The following ITGA8 variants were observed in gnomAD, a reference collection of about 807,000 sequenced individuals.
The protein encoded by ITGA8 is integrin alpha-8.
A neutral mutation model predicts 142.3 loss-of-function variants in ITGA8; 91 were observed. That is an observed-to-expected ratio of 0.64 (90% CI 0.54 to 0.76). The LOEUF (loss-of-function observed/expected upper bound fraction) is 0.76, where lower values mean the gene tolerates loss of function less well. Among genes scored for constraint, ITGA8 ranks in the 30% least tolerant of loss-of-function variants. The pLI, the probability that ITGA8 is intolerant of heterozygous loss-of-function variation, is 0.00. For synonymous variants in ITGA8, 505 were observed against 485.2 expected (o/e 1.04, Z -0.54); for missense variants, 1,406 against 1,327.7 (o/e 1.06, Z -0.92).
intron 28 of ITGA8, among the ~76,000 whole-genome samples, chr10:15,523,884 A>T (rs986433458): frequency 5.3e-5 from 8 of 152,148 alleles, no homozygotes; most frequent in African/African-American, 1.9e-4. Flanking sequence ...GTGAGCCAAG[A>T]TCGCACCACT....
At position 15,671,124 on chromosome 10, in the gene ITGA8, G is replaced by A. The variant is rs544516895; in HGVS notation, c.847+479C>T. 7.9e-5 allele frequency among the ~76,000 whole-genome samples: 12 copies of A among 152,352 alleles called. No individual in the cohort carries two copies. The South Asian group carries it at 2.5e-3, about 32-fold the overall frequency. ...ACAGCAAAGCAGAGAAGACAGGACAGAAGGGATATACAGGAGATAGGGATT... is the reference window on the plus strand; with the variant it reads ...ACAGCAAAGCAGAGAAGACAGGACAAAAGGGATATACAGGAGATAGGGATT... On this transcript the variant is annotated intron_variant, in intron 8 of 29. Coordinates refer to ENST00000378076, the MANE Select transcript of ITGA8 (RefSeq NM_003638.3).
At chr10:15,537,792 G>A (rs537390304) in intron 27 of ITGA8, among the ~76,000 whole-genome samples, 8 of 152,174 alleles carry the variant, frequency 5.3e-5, no homozygotes, top group African/African-American at 1.9e-4. Flanking sequence ...TTGGGAATTC[G>A]TTAAGGCACC....
chr10:15,689,248 C>T (rs1300161421), intron 2 of ITGA8, among the ~76,000 whole-genome samples: 2 of 152,228 alleles, frequency 1.3e-5, no homozygotes, highest in Admixed American at 1.3e-4. Context: ...GGGCCTAACA[C>T]TTGCTCCCTT....
intron 13 of ITGA8, among the ~76,000 whole-genome samples, chr10:15,624,116 A>G (rs867947128): frequency 4.6e-5 from 7 of 152,156 alleles, no homozygotes; most frequent in Admixed American, 2.6e-4. Context: ...AGTTTTTGCA[A>G]AGTCACTGTC....
intron 2 of ITGA8, among the ~76,000 whole-genome samples, chr10:15,700,569 G>T (rs1835143577): frequency 1.3e-5 from 2 of 152,110 alleles, no homozygotes; most frequent in African/African-American, 4.8e-5. Context: ...AGATAGCTGG[G>T]ACTTAATTAA....
intron 23 of ITGA8, among the ~76,000 whole-genome samples, chr10:15,577,155 A>G (rs918730282): frequency 1.6e-4 from 24 of 152,070 alleles, no homozygotes; most frequent in Non-Finnish European, 1.6e-4. Flanking sequence ...ACTTTTATTT[A>G]TTTATTTATT....
intron 24 of ITGA8, among the ~76,000 whole-genome samples, chr10:15,573,931 T>G (rs1241459479): frequency 1.3e-5 from 2 of 152,166 alleles, no homozygotes; most frequent in African/African-American, 2.4e-5. Context: ...CCTGAATAAC[T>G]ACTAAACTAA....
At chr10:15,643,292 T>C (rs1279119224) in intron 13 of ITGA8, among the ~76,000 whole-genome samples, 1 of 152,108 alleles carries the variant, frequency 6.6e-6, no homozygotes, top group Non-Finnish European at 1.5e-5. Context: ...GAGATACATA[T>C]ATTTTTTGAG....
At chr10:15,641,324 G>A (rs902973099) in intron 13 of ITGA8, among the ~76,000 whole-genome samples, 13 of 152,178 alleles carry the variant, frequency 8.5e-5, no homozygotes, top group African/African-American at 3.1e-4. Flanking sequence ...TGGAGGCTTT[G>A]AAAGCTAAAT....
At chr10:15,565,330 C>T (rs1362161874) in intron 25 of ITGA8, among the ~76,000 whole-genome samples, 1 of 152,032 alleles carries the variant, frequency 6.6e-6, no homozygotes, top group African/African-American at 2.4e-5. Flanking sequence ...CTGATCAGAC[C>T]TTCTAAAATA....
At chr10:15,679,669 C>T (rs1341045671) in intron 4 of ITGA8, among the ~76,000 whole-genome samples, 2 of 152,190 alleles carry the variant, frequency 1.3e-5, no homozygotes, top group Non-Finnish European at 2.9e-5. Flanking sequence ...TCTCACTGGA[C>T]ATTGCAATGC....
At chr10:15,672,534 A>G in intron 7 of ITGA8, 90 bp downstream of exon 7, 2 of 1,428,470 alleles carry the variant, frequency 1.4e-6, no homozygotes, top group South Asian at 2.8e-5. Context: ...ATGCCAAATA[A>G]CATCGGATAA....
intron 13 of ITGA8, among the ~76,000 whole-genome samples, chr10:15,619,662 C>T (rs1413858051): frequency 1.3e-5 from 2 of 152,120 alleles, no homozygotes; most frequent in Non-Finnish European, 2.9e-5. Context: ...ACTATGTTTA[C>T]ATGTATTCTT....
chr10:15,558,414 G>A (rs1259918528), intron 25 of ITGA8, among the ~76,000 whole-genome samples: 2 of 152,166 alleles, frequency 1.3e-5, no homozygotes, highest in East Asian at 3.8e-4. Flanking sequence ...AGGAATTCAC[G>A]AAGCATGGGG....
At chr10:15,707,103 G>A (rs1364901837) in intron 2 of ITGA8, among the ~76,000 whole-genome samples, 1 of 152,110 alleles carries the variant, frequency 6.6e-6, no homozygotes, top group African/African-American at 2.4e-5. Context: ...GTGACCACCT[G>A]TGGTACAAAA....
chr10:15,660,535 A>C (rs1834265341), intron 9 of ITGA8, among the ~76,000 whole-genome samples: 1 of 152,264 alleles, frequency 6.6e-6, no homozygotes, highest in South Asian at 2.1e-4. Flanking sequence ...ATGATGGTTC[A>C]ACTGACAATG....
In ITGA8 at chr10:15,699,397, A is replaced by G. The variant is rs528015120; in HGVS notation, c.344-11359T>C. ...TTGTGAGAAATATTCATGAATAGAT[A>G]GATGACTAGCTAGCTAGATACATAG... On this transcript the variant is annotated intron_variant, in intron 2 of 29. Coordinates refer to ENST00000378076, the MANE Select transcript of ITGA8 (RefSeq NM_003638.3). Among the ~76,000 whole-genome samples the G allele has an allele frequency of 1.6e-4, 25 of 152,356 alleles. No homozygotes were observed. In the South Asian group the frequency reaches 5.2e-3, roughly 32 times the overall value.
chr10:15,601,257 A>T (rs1211642982), intron 20 of ITGA8, among the ~76,000 whole-genome samples: 1 of 152,092 alleles, frequency 6.6e-6, no homozygotes, highest in Non-Finnish European at 1.5e-5. Flanking sequence ...AAGAAAAAAG[A>T]AAATGGAAGG....
chr10:15,664,370 C>G (rs930054902), intron 8 of ITGA8, among the ~76,000 whole-genome samples: 1 of 152,032 alleles, frequency 6.6e-6, no homozygotes, highest in Non-Finnish European at 1.5e-5. Context: ...AATGTTCTTT[C>G]AAAGGAAAAA....
Sources: allele counts gnomAD v4.1 joint callset (sites outside exome capture counted in the v4.1 genomes callset), GRCh38; gene constraint gnomAD v4.1.1; transcripts MANE v1.5; gene names NCBI Gene and HGNC (gene_info 2026-07-23, HGNC 2026-07-21).